The following TMEM132D variants were observed in gnomAD, a reference collection of about 807,000 sequenced individuals.
The protein encoded by TMEM132D is mature OL transmembrane protein.
TMEM132D carries 21 observed loss-of-function variants against 62.3 expected under a neutral mutation model. That is an observed-to-expected ratio of 0.34 (90% CI 0.24 to 0.49). The LOEUF is 0.49. Among genes scored for constraint, TMEM132D ranks in the 20% least tolerant of loss-of-function variants. The pLI is 0.99. For synonymous variants in TMEM132D, 621 were observed against 575.6 expected, an observed-to-expected ratio of 1.08 and a Z score of -1.13; for missense variants, 1,346 against 1,402.8, an observed-to-expected ratio of 0.96 and a Z score of 0.65.
At chr12:129,699,721 C>A in intron 2 of TMEM132D, 89 bp downstream of exon 2, 1 of 1,516,704 alleles carries the variant, frequency 6.6e-7, no homozygotes, top group South Asian at 1.3e-5. Context: ...CTTCGGTGAG[C>A]GATAACACAG....
chr12:129,766,840 G>A (rs1298528910), intron 1 of TMEM132D, among the ~76,000 whole-genome samples: 1 of 152,130 alleles, frequency 6.6e-6, no homozygotes, highest in African/African-American at 2.4e-5. Flanking sequence ...CCTGAAAGAG[G>A]TGCAGGAAGC....
chr12:129,084,773 G>C (rs777353766), intron 5 of TMEM132D, 71 bp from the exon 6 acceptor site: 1 of 1,480,980 alleles, frequency 6.8e-7, no homozygotes. Context: ...CCAAGGAGGA[G>C]GAAAGGGAAG....
chr12:129,337,525 G>T, intron 4 of TMEM132D, 109 bp downstream of exon 4: 1 of 1,352,472 alleles, frequency 7.4e-7, no homozygotes, highest in Non-Finnish European at 1.0e-6. Flanking sequence ...TCACTGTCCT[G>T]ATTCTTGGCT....
At chr12:129,424,202 TAAA>T (rs5801853) in intron 3 of TMEM132D, among the ~76,000 whole-genome samples, 40 of 148,698 alleles carry the variant, frequency 2.7e-4, no homozygotes, top group African/African-American at 8.4e-4. Context: ...AATTTTTTTG[TAAA>T]AAAAAAAAAA....
At chr12:129,846,229 G>A (rs1179090081) in intron 1 of TMEM132D, among the ~76,000 whole-genome samples, 4 of 152,144 alleles carry the variant, frequency 2.6e-5, no homozygotes, top group Admixed American at 6.5e-5. Flanking sequence ...AATTACCCAT[G>A]CACTTATCAT....
chr12:129,425,317 A>G (rs1593374579), intron 3 of TMEM132D, among the ~76,000 whole-genome samples: 1 of 152,264 alleles, frequency 6.6e-6, no homozygotes, highest in Non-Finnish European at 1.5e-5. Flanking sequence ...TAATGTTTTA[A>G]GAAACTGAGG....
chr12:129,627,842 C>A (rs1879260317), intron 2 of TMEM132D, among the ~76,000 whole-genome samples: 1 of 151,970 alleles, frequency 6.6e-6, no homozygotes, highest in Non-Finnish European at 1.5e-5. Context: ...AAAAAATTAG[C>A]CGGGCGTGGT....
At chr12:129,306,648 T>C (rs1881852604) in intron 4 of TMEM132D, among the ~76,000 whole-genome samples, 1 of 152,236 alleles carries the variant, frequency 6.6e-6, no homozygotes, top group South Asian at 2.1e-4. Context: ...TCATTATTTA[T>C]GGTTCTGAGT....
chr12:129,812,682 C>T (rs1423436088), intron 1 of TMEM132D, among the ~76,000 whole-genome samples: 1 of 151,748 alleles, frequency 6.6e-6, no homozygotes, highest in East Asian at 1.9e-4. Flanking sequence ...ATACGTGCCT[C>T]TCTCTTGAAA....
At chr12:129,679,146 T>A (rs1431332562) in intron 2 of TMEM132D, among the ~76,000 whole-genome samples, 1 of 152,044 alleles carries the variant, frequency 6.6e-6, no homozygotes, top group Non-Finnish European at 1.5e-5. Context: ...TTTTTTTTGT[T>A]GTTGTTGGAG....
intron 5 of TMEM132D, among the ~76,000 whole-genome samples, chr12:129,166,646 G>A (rs531811027): frequency 2.8e-4 from 42 of 150,372 alleles, no homozygotes; most frequent in Admixed American, 6.7e-4. Context: ...TACATAAACC[G>A]CCAGGCCATC....
intron 1 of TMEM132D, among the ~76,000 whole-genome samples, chr12:129,874,957 G>T (rs747142143): frequency 6.6e-6 from 1 of 152,204 alleles, no homozygotes; most frequent in Non-Finnish European, 1.5e-5. Context: ...GATTACAGGC[G>T]TGAGCCGCCA....
At chr12:129,686,373 T>A (rs528200543) in intron 2 of TMEM132D, among the ~76,000 whole-genome samples, 8 of 152,308 alleles carry the variant, frequency 5.3e-5, no homozygotes, top group African/African-American at 1.9e-4. Flanking sequence ...GATGGTTTTA[T>A]AAGGGGCTTT....
intron 1 of TMEM132D, among the ~76,000 whole-genome samples, chr12:129,780,347 GGC>G (rs1342830651): frequency 1.0e-4 from 15 of 150,114 alleles, no homozygotes; most frequent in East Asian, 4.2e-4. Context: ...GGAGGGGGGG[GGC>G]CGGGGGGGCA....
chr12:129,372,867 G>C (rs998826693), intron 3 of TMEM132D, among the ~76,000 whole-genome samples: 7 of 152,102 alleles, frequency 4.6e-5, no homozygotes, highest in Non-Finnish European at 8.8e-5. Flanking sequence ...CACAATAAAG[G>C]TAATGTGCTT....
In TMEM132D at chr12:129,353,302, G is replaced by A. The variant is rs74337811; in HGVS notation, c.1116-15485C>T. On this transcript the variant is annotated intron_variant, in intron 3 of 8. Coordinates refer to ENST00000422113, the MANE Select transcript of TMEM132D (RefSeq NM_133448.3). ...TAAGTCTACTTGGGGGAGATGATTG[G>A]TAAAATGTATGAAGCAAGGAAAATT... Among the ~76,000 whole-genome samples, 429 of 152,206 alleles carry A rather than the reference G, an allele frequency of 2.8e-3. 1 individual carries two copies. Among genetic ancestry groups the A allele is most frequent in the Non-Finnish European group, 4.4e-3 (297 of 68,022 alleles).
chr12:129,606,162 A>G (rs1343512572), intron 2 of TMEM132D, among the ~76,000 whole-genome samples: 1 of 152,226 alleles, frequency 6.6e-6, no homozygotes, highest in Non-Finnish European at 1.5e-5. Flanking sequence ...CCTTCAGGGT[A>G]GAACAGTACC....
chr12:129,663,926 A>G (rs1880307756), intron 2 of TMEM132D, among the ~76,000 whole-genome samples: 1 of 149,222 alleles, frequency 6.7e-6, no homozygotes, highest in Non-Finnish European at 1.5e-5. Flanking sequence ...TAGAGATTTT[A>G]GCCATTATTC....
intron 1 of TMEM132D, among the ~76,000 whole-genome samples, chr12:129,776,788 C>T (rs1052116537): frequency 2.9e-5 from 2 of 68,460 alleles, no homozygotes; most frequent in Admixed American, 1.5e-4. Flanking sequence ...TAATGGGCTT[C>T]AAAAAAAAAA....
Sources: gnomAD v4.1 joint callset for allele counts (sites outside exome capture counted in the v4.1 genomes callset) on GRCh38, gnomAD v4.1.1 for gene constraint, MANE v1.5 for transcripts, NCBI Gene and HGNC (gene_info 2026-07-23, HGNC 2026-07-21) for gene names.